The following NYAP2 variants were observed in gnomAD, a reference collection of about 807,000 sequenced individuals.
NYAP2 encodes the protein neuronal tyrosine-phosphorylated phosphoinositide-3-kinase adaptor 2, also known as neuronal tyrosine-phosphorylated phosphoinositide-3-kinase adapter 2.
In NYAP2, 23 loss-of-function variants were observed where a neutral mutation model predicts 50.4. The observed-to-expected ratio is 0.46, with a 90% CI of 0.33 to 0.65. The LOEUF (loss-of-function observed/expected upper bound fraction) is 0.65. Ranked by LOEUF, NYAP2 falls within the 30% of genes least tolerant of loss-of-function variation. The pLI, the probability that NYAP2 is intolerant of heterozygous loss-of-function variation, is 0.02. For synonymous variants in NYAP2, 394 were observed against 365.2 expected, an observed-to-expected ratio of 1.08 and a Z score of -0.90; for missense variants, 885 against 861.0, an observed-to-expected ratio of 1.03 and a Z score of -0.35.
At chr2:225,428,721 T>C (rs1040695214) in intron 3 of NYAP2, among the ~76,000 whole-genome samples, 1 of 152,220 alleles carries the variant, frequency 6.6e-6, no homozygotes, top group East Asian at 1.9e-4. Context: ...CCAAACGTGA[T>C]TCCTGGGAAA....
intron 3 of NYAP2, among the ~76,000 whole-genome samples, chr2:225,417,814 T>G (rs1355372201): frequency 6.6e-6 from 1 of 152,144 alleles, no homozygotes; most frequent in Non-Finnish European, 1.5e-5. Flanking sequence ...TATTTTTCAT[T>G]AAGCATATAT....
intron 4 of NYAP2, among the ~76,000 whole-genome samples, chr2:225,555,285 C>T (rs1041771624): frequency 6.6e-6 from 1 of 152,094 alleles, no homozygotes; most frequent in Non-Finnish European, 1.5e-5. Context: ...ATATTCTGTG[C>T]ACCTGAGTTG....
intron 3 of NYAP2, among the ~76,000 whole-genome samples, chr2:225,409,718 T>C (rs2106119607): frequency 1.3e-5 from 2 of 152,170 alleles, no homozygotes; most frequent in Middle Eastern, 6.8e-3. Context: ...GCCTTCCAAA[T>C]TGAGGTTAAA....
chr2:225,700,362 T>C, the NYAP2 span: 1 of 151,706 alleles, frequency 6.6e-6, no homozygotes, highest in Non-Finnish European at 1.5e-5. Context: ...GAGAACTGTA[T>C]ACATAAAACG....
chr2:225,627,447 T>G (rs1263346381), intron 6 of NYAP2, among the ~76,000 whole-genome samples: 1 of 152,184 alleles, frequency 6.6e-6, no homozygotes, highest in Non-Finnish European at 1.5e-5. Flanking sequence ...AGTTTTAACT[T>G]GCGAAGTTTG....
chr2:225,512,848 T>C (rs562049741), intron 3 of NYAP2, among the ~76,000 whole-genome samples: 16 of 126,968 alleles, frequency 1.3e-4, no homozygotes, highest in South Asian at 2.5e-4. Context: ...TTTCTTTCTT[T>C]CTTTCTTCCT....
At chr2:225,638,259 T>C (rs1574723733) in intron 6 of NYAP2, among the ~76,000 whole-genome samples, 1 of 149,952 alleles carries the variant, frequency 6.7e-6, no homozygotes, top group East Asian at 2.0e-4. Context: ...GTCCATCCAA[T>C]AGAAGAGGGG....
chr2:225,677,063 G>A, the NYAP2 span, among the ~76,000 whole-genome samples: 16 of 152,150 alleles, frequency 1.1e-4, no homozygotes, highest in Non-Finnish European at 2.4e-4. Context: ...CTATTTATTT[G>A]TGTTAGAGAG....
intron 3 of NYAP2, among the ~76,000 whole-genome samples, chr2:225,451,887 A>C (rs1468881351): frequency 6.6e-6 from 1 of 152,142 alleles, no homozygotes; most frequent in East Asian, 1.9e-4. Flanking sequence ...TGATCCTGTC[A>C]ATAACTGTAC....
intron 6 of NYAP2, among the ~76,000 whole-genome samples, chr2:225,642,030 T>A (rs1350447033): frequency 1.3e-5 from 2 of 150,570 alleles, no homozygotes; most frequent in Non-Finnish European, 3.0e-5. Flanking sequence ...GTTATCATGT[T>A]ACTCAGGGAA....
At chr2:225,524,708 C>T (rs1691122722) in intron 4 of NYAP2, among the ~76,000 whole-genome samples, 2 of 152,090 alleles carry the variant, frequency 1.3e-5, no homozygotes, top group Middle Eastern at 3.2e-3. Flanking sequence ...TTGACCATGT[C>T]CTCAAAAGCA....
At chr2:225,481,630 T>C (rs1690208545) in intron 3 of NYAP2, among the ~76,000 whole-genome samples, 1 of 152,158 alleles carries the variant, frequency 6.6e-6, no homozygotes, top group Admixed American at 6.6e-5. Context: ...GTGAGCTACT[T>C]CTCTCTTGCA....
At chr2:225,577,894 G>A (rs899120457) in intron 4 of NYAP2, among the ~76,000 whole-genome samples, 2 of 151,030 alleles carry the variant, frequency 1.3e-5, no homozygotes, top group African/African-American at 4.9e-5. Flanking sequence ...ATAATTTACT[G>A]AAGAGTCTAT....
chr2:225,441,557 A>G (rs1689470939), intron 3 of NYAP2, among the ~76,000 whole-genome samples: 1 of 152,212 alleles, frequency 6.6e-6, no homozygotes, highest in African/African-American at 2.4e-5. Context: ...GGGAGGCCTC[A>G]GGAAACTTAT....
Position 225,602,873 on chromosome 2 carries a change from C to T in NYAP2, c.1618+19838C>T, listed in dbSNP as rs373780217. Among the ~76,000 whole-genome samples the T allele has an allele frequency of 6.6e-5, 10 of 152,144 alleles. No individual in the cohort carries two copies. The South Asian group carries it at 1.2e-3, about 19-fold the overall frequency. The stretch of plus-strand genomic sequence containing the variant: ...ACTGTTTTATAGCAAGTTTTGAAAT[C>T]GGGCCATGTGAGACCTCCAATTTTG... On this transcript the variant is annotated intron_variant, in intron 5 of 6. Transcript: ENST00000636099.
chr2:225,464,154 G>A (rs1012685660), intron 3 of NYAP2, among the ~76,000 whole-genome samples: 5 of 152,144 alleles, frequency 3.3e-5, no homozygotes, highest in African/African-American at 1.2e-4. Flanking sequence ...CACAAACAGA[G>A]ACCGATTGAG....
At chr2:225,531,794 T>C (rs936081524) in intron 4 of NYAP2, among the ~76,000 whole-genome samples, 2 of 152,202 alleles carry the variant, frequency 1.3e-5, no homozygotes, top group African/African-American at 4.8e-5. Flanking sequence ...CAGCAACCAC[T>C]CTGAATGATG....
At chr2:225,549,831 A>T (rs1691641371) in intron 4 of NYAP2, among the ~76,000 whole-genome samples, 1 of 152,120 alleles carries the variant, frequency 6.6e-6, no homozygotes, top group Non-Finnish European at 1.5e-5. Context: ...CTAAAAATAC[A>T]AATATTAGCT....
intron 5 of NYAP2, among the ~76,000 whole-genome samples, chr2:225,610,720 G>A (rs1210997817): frequency 1.3e-5 from 2 of 152,086 alleles, no homozygotes; most frequent in Non-Finnish European, 2.9e-5. Flanking sequence ...TTTTCAAAGT[G>A]CATTCTGTGT....
Sources: gnomAD v4.1 joint callset for allele counts (sites outside exome capture counted in the v4.1 genomes callset) on GRCh38, gnomAD v4.1.1 for gene constraint, MANE v1.5 for transcripts, NCBI Gene and HGNC (gene_info 2026-07-23, HGNC 2026-07-21) for gene names.